The following PPP1R13B variants were observed in gnomAD, a reference collection of about 807,000 sequenced individuals.
PPP1R13B encodes the protein apoptosis-stimulating of p53 protein 1.
PPP1R13B carries 44 observed loss-of-function variants against 119.8 expected under a neutral mutation model. The ratio of observed to expected loss-of-function variants is 0.37; its 90% CI spans 0.29 to 0.47. The LOEUF (loss-of-function observed/expected upper bound fraction) is 0.47, where lower values mean the gene tolerates loss of function less well. Among genes scored for constraint, PPP1R13B ranks in the 20% least tolerant of loss-of-function variants. PPP1R13B has a pLI of 0.99. For synonymous variants in PPP1R13B, 542 were observed against 561.5 expected, an observed-to-expected ratio of 0.97 and a Z score of 0.49; for missense variants, 1,227 against 1,413.5, an observed-to-expected ratio of 0.87 and a Z score of 2.12.
At chr14:103,735,284 A>T in intron 16 of PPP1R13B, 89 bp from the exon 17 acceptor site, 4 of 1,304,450 alleles carry the variant, frequency 3.1e-6, no homozygotes, top group Non-Finnish European at 2.2e-6. Context: ...CACCTCAGCC[A>T]CCCTGGACAG....
intron 1 of PPP1R13B, among the ~76,000 whole-genome samples, chr14:103,837,811 C>T (rs866974932): frequency 7.9e-5 from 12 of 152,138 alleles, no homozygotes; most frequent in Non-Finnish European, 1.8e-4. Context: ...TATCACTCCA[C>T]TTTTTAAAAA....
intron 9 of PPP1R13B, among the ~76,000 whole-genome samples, chr14:103,744,938 A>G (rs1164348816): frequency 1.3e-5 from 2 of 152,198 alleles, no homozygotes; most frequent in Admixed American, 6.5e-5. Context: ...GCAGACACCA[A>G]CAAGGACGGG....
At chr14:103,828,099 G>A (rs1220808414) in intron 1 of PPP1R13B, among the ~76,000 whole-genome samples, 1 of 152,140 alleles carries the variant, frequency 6.6e-6, no homozygotes, top group Non-Finnish European at 1.5e-5. Flanking sequence ...GGGTGCAGTG[G>A]TTCATGCCTG....
chr14:103,789,705 A>C (rs1385549862), intron 2 of PPP1R13B, among the ~76,000 whole-genome samples: 2 of 149,720 alleles, frequency 1.3e-5, no homozygotes, highest in Non-Finnish European at 3.0e-5. Context: ...GTAGAGACAG[A>C]GTTTCACCAT....
Position 103,843,381 on chromosome 14 carries a change from A to T in PPP1R13B, c.9+3918T>A, listed in dbSNP as rs192177663. On this transcript the variant is annotated intron_variant, in intron 1 of 16. Coordinates refer to ENST00000202556, the MANE Select transcript of PPP1R13B (RefSeq NM_015316.3). ...AGAGCGAGACTCTGTCTCAAAAAAA[A>T]AAATAAATCATGCTGAATCAAGGCA... Among the ~76,000 whole-genome samples the T allele has an allele frequency of 9.7e-4, 148 of 152,254 alleles. 3 individuals carry two copies. The East Asian group carries it at 0.021, about 22-fold the overall frequency.
chr14:103,778,260 T>C (rs2085256114), intron 4 of PPP1R13B, among the ~76,000 whole-genome samples: 1 of 132,102 alleles, frequency 7.6e-6, no homozygotes, highest in East Asian at 2.2e-4. Context: ...TGGCCACATC[T>C]GACTTTTTTT....
chr14:103,835,924 A>G (rs963186459), intron 1 of PPP1R13B, among the ~76,000 whole-genome samples: 1 of 151,348 alleles, frequency 6.6e-6, no homozygotes, highest in Non-Finnish European at 1.5e-5. Flanking sequence ...TTTTTTTAAT[A>G]TAGACAGGGT....
intron 4 of PPP1R13B, among the ~76,000 whole-genome samples, chr14:103,759,943 T>C (rs1035004399): frequency 1.4e-4 from 22 of 152,246 alleles, no homozygotes; most frequent in Non-Finnish European, 2.5e-4. Context: ...TTGTCATAGG[T>C]AATTCATTGT....
At chr14:103,810,559 G>T (rs35085624) in intron 1 of PPP1R13B, among the ~76,000 whole-genome samples, 44,089 of 150,984 alleles carry the variant, frequency 0.29, 6,897 homozygotes, top group Non-Finnish European at 0.35. Context: ...GGATCATGAG[G>T]TCAGGAGATT....
chr14:103,802,893 G>A (rs1484612545), intron 1 of PPP1R13B, among the ~76,000 whole-genome samples: 1 of 152,016 alleles, frequency 6.6e-6, no homozygotes, highest in Non-Finnish European at 1.5e-5. Flanking sequence ...TTTATCACTC[G>A]CAATAACCCT....
chr14:103,793,951 T>G (rs919393266), intron 2 of PPP1R13B, among the ~76,000 whole-genome samples: 2 of 152,168 alleles, frequency 1.3e-5, no homozygotes, highest in Non-Finnish European at 2.9e-5. Flanking sequence ...GAAGATAAAA[T>G]GAAGAGATCA....
chr14:103,805,672 T>C (rs1393724307), intron 1 of PPP1R13B, among the ~76,000 whole-genome samples: 3 of 152,138 alleles, frequency 2.0e-5, no homozygotes, highest in Admixed American at 6.6e-5. Context: ...TGGAATATCA[T>C]ACAATGGAAT....
intron 1 of PPP1R13B, among the ~76,000 whole-genome samples, chr14:103,841,854 G>C (rs570258416): frequency 7.9e-5 from 12 of 152,166 alleles, no homozygotes; most frequent in Admixed American, 1.3e-4. Flanking sequence ...AGAACTTCAT[G>C]CAAGTATCTG....
intron 2 of PPP1R13B, among the ~76,000 whole-genome samples, chr14:103,787,692 G>A (rs1364680580): frequency 6.5e-5 from 9 of 139,446 alleles, no homozygotes; most frequent in South Asian, 2.3e-4. Flanking sequence ...TCACTGTGTC[G>A]CCCAGGCTGG....
chr14:103,790,378 T>G (rs2085586971), intron 2 of PPP1R13B, among the ~76,000 whole-genome samples: 2 of 152,150 alleles, frequency 1.3e-5, no homozygotes. Flanking sequence ...CCCCTAAAAT[T>G]CATATGTTGA....
chr14:103,807,378 C>G (rs1011332443), intron 1 of PPP1R13B, among the ~76,000 whole-genome samples: 3 of 152,198 alleles, frequency 2.0e-5, no homozygotes, highest in African/African-American at 7.2e-5. Flanking sequence ...TCTGTTGTCA[C>G]TAGAACACAT....
At chr14:103,761,978 T>G (rs368920895) in intron 4 of PPP1R13B, among the ~76,000 whole-genome samples, 16 of 152,350 alleles carry the variant, frequency 1.1e-4, no homozygotes, top group African/African-American at 3.6e-4. Context: ...ATATGCCAAG[T>G]GCCTCAGAGG....
At chr14:103,737,475 C>G (rs1473850372) in intron 15 of PPP1R13B, 1 of 465,066 alleles carries the variant, frequency 2.2e-6, no homozygotes, top group Non-Finnish European at 3.7e-6. Context: ...ACTTGGGAGG[C>G]TGAAGTGGGA....
chr14:103,779,195 G>A lies in PPP1R13B; in HGVS notation c.278-374C>T, dbSNP rs141411359. On this transcript the variant is annotated intron_variant, in intron 3 of 16. Coordinates refer to ENST00000202556, the MANE Select transcript of PPP1R13B (RefSeq NM_015316.3). ...TCTCAGCTACTTGGGGGGCTGAGGCGGGAGAATGACTTGAGTGAGAGGGGT... is the reference window on the plus strand; with the variant it reads ...TCTCAGCTACTTGGGGGGCTGAGGCAGGAGAATGACTTGAGTGAGAGGGGT... 3.7e-3 allele frequency among the ~76,000 whole-genome samples: 566 copies of A among 152,022 alleles called. 5 individuals are homozygous for A. Among genetic ancestry groups the A allele is most frequent in the African/African-American group, 0.013 (549 of 41,474 alleles).
Sources: gnomAD v4.1 joint callset for allele counts (sites outside exome capture counted in the v4.1 genomes callset) on GRCh38, gnomAD v4.1.1 for gene constraint, MANE v1.5 for transcripts, NCBI Gene and HGNC (gene_info 2026-07-23, HGNC 2026-07-21) for gene names.